The following KCNH4 variants were observed in gnomAD, a reference collection of about 807,000 sequenced individuals.
The protein encoded by KCNH4 is potassium voltage-gated channel subfamily H member 4.
KCNH4 carries 33 observed loss-of-function variants against 90.7 expected under a neutral mutation model. The observed-to-expected ratio is 0.36, with a 90% CI of 0.28 to 0.49. KCNH4 has a LOEUF of 0.49. Ranked by LOEUF, KCNH4 falls within the 20% of genes least tolerant of loss-of-function variation. KCNH4 has a pLI of 0.98. For missense variants in KCNH4, 1,044 were observed against 1,387.1 expected (o/e 0.75, Z 3.93); for synonymous variants, 551 against 581.7 (o/e 0.95, Z 0.76).
At chr17:42,162,825 T>A (rs903070251) in intron 14 of KCNH4, among the ~76,000 whole-genome samples, 3 of 152,124 alleles carry the variant, frequency 2.0e-5, no homozygotes, top group Non-Finnish European at 4.4e-5. Flanking sequence ...ACTCCTGACC[T>A]CAGGTGATCC....
Position 42,157,340 on chromosome 17 carries a change from G to A in KCNH4, c.*310-222C>T, listed in dbSNP as rs144616320. 3.9e-3 allele frequency among the ~76,000 whole-genome samples: 586 copies of A among 152,146 alleles called. 6 individuals carry two copies. The highest frequency in any genetic ancestry group is 0.013 in the African/African-American group (548 of 41,510). On this transcript the variant is annotated intron_variant, in intron 16 of 16. Transcript: ENST00000264661. ...TTTTTTTATTTTTTTGAGCCTCCGC[G>A]CCTGGCAGAATCTGCGTTTTAATAG...
intron 4 of KCNH4, among the ~76,000 whole-genome samples, chr17:42,176,818 C>T (rs1329050817): frequency 6.6e-6 from 1 of 151,714 alleles, no homozygotes; most frequent in Admixed American, 6.6e-5. Flanking sequence ...CCACTGTGCC[C>T]GGCCCCAGGC....
rs199930821 is a variant in KCNH4 at position 42,157,000 on chromosome 17, G to A, written c.*428C>T. ...TTGGAGCAGTCCAGGCCCTGAGTGA[G>A]ACCATGTTGTAATGGGGGAGAACAG... On this transcript the variant is annotated 3_prime_UTR_variant, in exon 17 of 17. Coordinates refer to ENST00000264661, the MANE Select transcript of KCNH4 (RefSeq NM_012285.3). 9 of 152,614 alleles carry A rather than the reference G, an allele frequency of 5.9e-5. 1 individual carries two copies. In the East Asian group the frequency reaches 1.5e-3, roughly 26 times the overall value. 9.5% of individuals were successfully genotyped at this position (152,614 alleles called of 1,614,324 possible).
intron 6 of KCNH4, among the ~76,000 whole-genome samples, chr17:42,173,291 C>T (rs2079839943): frequency 6.6e-6 from 1 of 151,910 alleles, no homozygotes; most frequent in East Asian, 1.9e-4. Flanking sequence ...TGCTCCTGGA[C>T]CACCTCGTGC....
rs1329034376 is a variant in KCNH4, at chr17:42,160,408, G to A, written c.2686C>T (p.Gln896Ter). Residue 896 changes from glutamine to a stop codon, truncating the protein, a stop_gained, in exon 16 of 17, where the codon CAG becomes TAG. Coordinates refer to ENST00000264661, the MANE Select transcript of KCNH4 (RefSeq NM_012285.3). LOFTEE classifies it high-confidence loss of function. ...EISRLNQEVSQLSRELRHIMG... is the reference protein window; with the variant it reads ...EISRLNQEVS ...ATGTGCCGCAGCTCCCGGCTAAGCT[G>A]AGACACCTCCTGATTGAGACGAGAG... is the stretch of plus-strand genomic sequence containing the variant. The A allele has an allele frequency of 1.2e-6, 2 of 1,608,354 alleles. No homozygotes were observed. The highest frequency in any genetic ancestry group is 1.7e-6 in the Non-Finnish European group (2 of 1,176,056).
At chr17:42,165,375 G>A in intron 11 of KCNH4, 74 bp downstream of exon 11, 1 of 1,569,870 alleles carries the variant, frequency 6.4e-7, no homozygotes, top group Non-Finnish European at 8.7e-7. Context: ...AGGTTCATGG[G>A]ACTCTCAGGC....
chr17:42,170,207 C>T lies in KCNH4; in HGVS notation c.1290G>A (p.Leu430=), dbSNP rs780700401. The T allele has an allele frequency of 6.2e-7, 1 of 1,613,134 alleles. No individual in the cohort carries two copies. The highest frequency in any genetic ancestry group is 8.5e-7 in the Non-Finnish European group (1 of 1,180,008). Residue 430 remains leucine (L), a synonymous_variant, in exon 8 of 17, where the codon CTG becomes CTA. Transcript: ENST00000264661. ...TGGTGAGGCTGCTTAGAGTGAAGTA[C>T]AGTGCCGCGATGTAGGCGCTGCGCC... The part of the protein sequence containing the change: ...PSRRSAYIAA[L]YFTLSSLTSV...
At chr17:42,166,139 T>A (rs1428278798) in intron 10 of KCNH4, among the ~76,000 whole-genome samples, 158 bp downstream of exon 10, 1 of 151,820 alleles carries the variant, frequency 6.6e-6, no homozygotes, top group Non-Finnish European at 1.5e-5. Flanking sequence ...AAGGCGATGG[T>A]CGTAGGGCGG....
In KCNH4 at chr17:42,178,384, T is replaced by A; in HGVS notation, c.404A>T (p.Gln135Leu). The A allele has an allele frequency of 6.2e-7, 1 of 1,614,208 alleles. No individual in the cohort carries two copies. The highest frequency in any genetic ancestry group is 1.1e-5 in the South Asian group (1 of 91,092). Residue 135 changes from glutamine to leucine, a missense_variant, in exon 3 of 17, where the codon CAG becomes CTG. By Grantham distance (113) the Gln-to-Leu change is moderately radical (BLOSUM62 -2). This residue lies in a region of KCNH4 where 283 missense variants were observed against 378.6 expected (regional missense o/e 0.75). Transcript: ENST00000264661. ...LFLFSFKDIT[Q>L]SGSPGLGPQG... ...GGGGCCAAGTCCTGGGCTTCCACTCTGAGTGATATCCTTGAAGGAAAAGAG... is the reference window on the plus strand; with the variant it reads ...GGGGCCAAGTCCTGGGCTTCCACTCAGAGTGATATCCTTGAAGGAAAAGAG...
At chr17:42,179,668 A>AC (rs2079887798) in intron 1 of KCNH4, among the ~76,000 whole-genome samples, 1 of 152,206 alleles carries the variant, frequency 6.6e-6, no homozygotes, top group Admixed American at 6.5e-5. Context: ...ATCCAAACTC[A>AC]CAGATCTCCT....
In KCNH4 at chr17:42,166,256, G is replaced by A. The variant is rs755063070; in HGVS notation, c.1840+41C>T. 7.1e-6 allele frequency: 11 copies of A among 1,550,018 alleles called. No homozygotes were observed. The South Asian group carries it at 1.1e-4, about 15-fold the overall frequency. ...AAGTCCTCAGTGGGGGTTGCGGGGGGTGGTTCCAGGGTAGGTAGTAGAGGG... is the reference window on the plus strand; with the variant it reads ...AAGTCCTCAGTGGGGGTTGCGGGGGATGGTTCCAGGGTAGGTAGTAGAGGG... On this transcript the variant is annotated intron_variant, in intron 10 of 16. Coordinates refer to ENST00000264661, the MANE Select transcript of KCNH4 (RefSeq NM_012285.3).
chr17:42,178,254 C>T (rs370718130), intron 3 of KCNH4, 27 bp from the exon 4 acceptor site: 55 of 1,614,000 alleles, frequency 3.4e-5, no homozygotes, highest in African/African-American at 1.3e-4. Flanking sequence ...TGCAGAGATA[C>T]GTTGGGGCAC....
In KCNH4 at chr17:42,178,389, G is replaced by A; in HGVS notation, c.399C>T (p.Ile133=). 6.2e-7 allele frequency: 1 copy of A among 1,614,230 alleles called. No homozygotes were observed. Among genetic ancestry groups the A allele is most frequent in the Non-Finnish European group, 8.5e-7 (1 of 1,180,026 alleles). Reference sequence around the variant, plus strand: ...CAAGTCCTGGGCTTCCACTCTGAGTGATATCCTTGAAGGAAAAGAGGAACA... The same window carrying A: ...CAAGTCCTGGGCTTCCACTCTGAGTAATATCCTTGAAGGAAAAGAGGAACA... ...VVLFLFSFKD[I]TQSGSPGLGP... is the part of the protein sequence containing the mutation. Residue 133 remains isoleucine, a synonymous_variant, in exon 3 of 17, where the codon ATC becomes ATT. Transcript: ENST00000264661.
intron 4 of KCNH4, among the ~76,000 whole-genome samples, chr17:42,177,604 AGT>A (rs2079871282): frequency 6.6e-6 from 1 of 152,170 alleles, no homozygotes; most frequent in Non-Finnish European, 1.5e-5. Flanking sequence ...CTGGGGGCCC[AGT>A]GGGGGCTGGG....
rs146627664 is a variant in KCNH4, at chr17:42,180,752, C to T, written c.76+118G>A. ...ACCGCGGCTTTGGGAGTTCCTAGACCCGCACCTCCATTCTCTCCCCTCGCC... is the reference window on the plus strand; with the variant it reads ...ACCGCGGCTTTGGGAGTTCCTAGACTCGCACCTCCATTCTCTCCCCTCGCC... On this transcript the variant is annotated intron_variant, in intron 1 of 16. Transcript: ENST00000264661. The surrounding 1 kb of genome is among the most constrained non-coding windows in gnomAD (Gnocchi z 4.7). The T allele has an allele frequency of 0.014, 14,291 of 1,051,106 alleles. 142 individuals are homozygous for T. The highest frequency in any genetic ancestry group is 0.055 in the Middle Eastern group (263 of 4,762). 65.1% of individuals were successfully genotyped at this position (1,051,106 alleles called of 1,614,324 possible).
At chr17:42,170,983 G>A (rs959767405) in intron 7 of KCNH4, among the ~76,000 whole-genome samples, 7 of 152,180 alleles carry the variant, frequency 4.6e-5, no homozygotes, top group Non-Finnish European at 7.3e-5. Flanking sequence ...CAGGGAGCAC[G>A]GGAGAACGGG....
rs926703030 is a variant in KCNH4, at chr17:42,180,558, A to G, written c.76+312T>C. 6.6e-5 allele frequency among the ~76,000 whole-genome samples: 10 copies of G among 150,600 alleles called. No individual in the cohort carries two copies. The highest frequency in any genetic ancestry group is 2.4e-4 in the African/African-American group (10 of 40,838). Reference sequence around the variant, plus strand: ...TTCTGTGTCTCGGATACCCCCATACACGCCCCCAGCACAGCTCTGCCCGAG... The same window carrying G: ...TTCTGTGTCTCGGATACCCCCATACGCGCCCCCAGCACAGCTCTGCCCGAG... On this transcript the variant is annotated intron_variant, in intron 1 of 16. Coordinates refer to ENST00000264661, the MANE Select transcript of KCNH4 (RefSeq NM_012285.3). The surrounding 1 kb of genome is among the most constrained non-coding windows in gnomAD (Gnocchi z 4.7).
rs1486940663 is a variant in KCNH4 at position 42,160,150 on chromosome 17, A to AG, written c.2943dup (p.Tyr982LeufsTer6). On this transcript the variant is annotated frameshift_variant, in exon 16 of 17. Transcript: ENST00000264661. LOFTEE classifies it low-confidence loss of function (END_TRUNC). ...CCCAGAGGGTCAGGCTCTGAGGGGTAGGGGGGCAATATGGAAGGTCTCAAG... is the reference window on the plus strand; with the variant it reads ...CCCAGAGGGTCAGGCTCTGAGGGGTAGGGGGGGCAATATGGAAGGTCTCAAG... 2 of 1,611,888 alleles carry AG rather than the reference A, an allele frequency of 1.2e-6. No homozygotes were observed. Among genetic ancestry groups the AG allele is most frequent in the Non-Finnish European group, 1.7e-6 (2 of 1,178,710 alleles).
chr17:42,161,035 T>C (rs1473700911), intron 15 of KCNH4, among the ~76,000 whole-genome samples: 2 of 144,060 alleles, frequency 1.4e-5, no homozygotes, highest in Non-Finnish European at 3.0e-5. Context: ...CACGAGATTC[T>C]CCTGCCTCAG....
Sources: gnomAD v4.1 joint callset for allele counts (sites outside exome capture counted in the v4.1 genomes callset) on GRCh38, gnomAD v4.1.1 for gene constraint, gnomAD v4.1.1 regional missense constraint, Gnocchi (gnomAD v3.1) non-coding constraint, MANE v1.5 for transcripts, NCBI Gene and HGNC (gene_info 2026-07-23, HGNC 2026-07-21) for gene names.